TAF7L: variants seen among roughly 807,000 people sequenced by gnomAD.
TAF7L encodes the protein TATA-box binding protein associated factor 7 like, also known as transcription initiation factor TFIID subunit 7-like.
Under a neutral mutation model 30.2 loss-of-function variants are expected in TAF7L, and 6 were observed. That is an observed-to-expected ratio of 0.20 (90% confidence interval 0.11 to 0.39). The LOEUF (loss-of-function observed/expected upper bound fraction) is 0.39, where lower values mean the gene tolerates loss of function less well. Ranked by LOEUF, TAF7L falls within the 10% of genes least tolerant of loss-of-function variation. The pLI is 1.00. For synonymous variants in TAF7L, 93 were observed against 94.5 expected (o/e 0.98, Z 0.09); for missense variants, 284 against 277.1 (o/e 1.03, Z -0.18).
At chrX:101,286,715 T>C in intron 2 of TAF7L, 62 bp from the exon 3 acceptor site, 1 of 868,655 alleles carries the variant, frequency 1.2e-6, no homozygotes, top group South Asian at 2.3e-5. Flanking sequence ...GCTAACAGAA[T>C]AGATATATCA....
At chrX:101,283,404 G>C (rs757547701) in intron 4 of TAF7L, 46 bp downstream of exon 4, 1 of 1,174,281 alleles carries the variant, frequency 8.5e-7, no homozygotes, top group Non-Finnish European at 1.1e-6. Flanking sequence ...GAAGAGAAAA[G>C]AATTCCTTGA....
intron 6 of TAF7L, among the ~76,000 whole-genome samples, chrX:101,281,004 C>G (rs1602956943): frequency 9.0e-6 from 1 of 111,574 alleles, no homozygotes; most frequent in Non-Finnish European, 1.9e-5. Context: ...TATATAAAAG[C>G]AAAATGAGGG....
chrX:101,285,497 C>CA (rs768979097), intron 3 of TAF7L, among the ~76,000 whole-genome samples: 2,887 of 22,031 alleles, frequency 0.13, 147 homozygotes, highest in Non-Finnish European at 0.14. Context: ...GACTCCATCT[C>CA]AAAAAAAAAA....
chrX:101,285,911 G>A (rs1191184103), intron 3 of TAF7L, among the ~76,000 whole-genome samples: 11 of 110,920 alleles, frequency 9.9e-5, no homozygotes, highest in African/African-American at 3.6e-4. Context: ...GGCCAGGCAC[G>A]GTGGCTCACG....
chrX:101,271,571 A>C (rs936802009), intron 12 of TAF7L, among the ~76,000 whole-genome samples: 18 of 112,179 alleles, frequency 1.6e-4, no homozygotes, highest in African/African-American at 5.5e-4. Flanking sequence ...TAGAGCTTGC[A>C]GGACTAGAAG....
Position 101,287,415 on chromosome X carries a change from A to G in TAF7L, c.66+63T>C, listed in dbSNP as rs761363158. ...GAAATAGAAATGTCAGAATCCAAGT[A>G]GAACTATAATTATAATTAAACTATA... is the stretch of plus-strand genomic sequence containing the variant. On this transcript the variant is annotated intron_variant, in intron 2 of 12. Coordinates refer to ENST00000356784, the MANE Select transcript of TAF7L (RefSeq NM_001168474.2). 27 of 856,411 alleles carry G rather than the reference A, an allele frequency of 3.2e-5. No individual in the cohort carries two copies. The African/African-American group carries it at 5.6e-4, about 18-fold the overall frequency. 70.6% of individuals were successfully genotyped at this position (856,411 alleles called of 1,213,427 possible).
chrX:101,283,678 T>C (rs1924490291), intron 3 of TAF7L, 95 bp from the exon 4 acceptor site: 1 of 951,239 alleles, frequency 1.1e-6, no homozygotes, highest in Non-Finnish European at 1.5e-6. Context: ...GACAGATTAG[T>C]CTTTCCAAGA....
In TAF7L at chrX:101,276,026, T is replaced by C. The variant is rs755123388; in HGVS notation, c.1000A>G (p.Met334Val). Residue 334 changes from methionine to valine, a missense_variant, in exon 11 of 13, where the codon ATG becomes GTG. Physicochemically the swap from Met to Val is conservative, Grantham distance 21. Transcript: ENST00000356784. The part of the protein sequence containing the change: ...NKAQRQKDLI[M>V]KVENLTLKNH... Reference sequence around the variant, plus strand: ...TTGAGTGTCAGGTTTTCCACTTTCATGATGAGATCCTTCTGTCTTTGTGCT... The same window carrying C: ...TTGAGTGTCAGGTTTTCCACTTTCACGATGAGATCCTTCTGTCTTTGTGCT... 4 of 1,199,934 alleles carry C rather than the reference T, an allele frequency of 3.3e-6. No homozygotes were observed. The South Asian group carries it at 7.4e-5, about 22-fold the overall frequency.
rs768979097 is a variant in TAF7L at position 101,285,497 on chromosome X, CAA to C, written c.145+1076_145+1077del. 6.5e-4 allele frequency among the ~76,000 whole-genome samples: 15 copies of C among 23,138 alleles called. 1 individual carries two copies. The highest frequency in any genetic ancestry group is 0.018 in the Middle Eastern group (1 of 55). The allele number at this position is 23,138 out of a possible 115,157, so 20.1% of individuals were successfully genotyped here. ...TGGGTGACACAGCAAGACTCCATCT[CAA>C]AAAAAAAAAAAAAAAAAAAAGGCTG... On this transcript the variant is annotated intron_variant, in intron 3 of 12. Transcript: ENST00000356784.
intron 11 of TAF7L, among the ~76,000 whole-genome samples, chrX:101,275,569 C>T (rs778121267): frequency 9.1e-6 from 1 of 110,039 alleles, no homozygotes; most frequent in East Asian, 2.9e-4. Context: ...GGTTTCATCT[C>T]TACTAAAAGA....
At chrX:101,274,589 AGTGAGTGTGGGT>A (rs751755451) in intron 12 of TAF7L, among the ~76,000 whole-genome samples, 19 of 110,977 alleles carry the variant, frequency 1.7e-4, no homozygotes, top group Admixed American at 1.5e-3. Flanking sequence ...TCCCAGTCTG[AGTGAGTGTGGGT>A]GTGAGTGTGG....
Position 101,269,231 on chromosome X carries a change from A to AAAT in TAF7L, c.1090_1092dup (p.Ile364dup). 8.3e-7 allele frequency: 1 copy of AAAT among 1,207,507 alleles called. No homozygotes were observed. Among genetic ancestry groups the AAAT allele is most frequent in the Non-Finnish European group, 1.1e-6 (1 of 892,597 alleles). On this transcript the variant is annotated inframe_insertion, in exon 13 of 13. Coordinates refer to ENST00000356784, the MANE Select transcript of TAF7L (RefSeq NM_001168474.2). Reference sequence around the variant, plus strand: ...AAACGCTGCAACTGTTCCTGTAGGGAAATGAGCTGTAGGGAGAGGTAGAAA... The same window carrying AAAT: ...AAACGCTGCAACTGTTCCTGTAGGGAAATAATGAGCTGTAGGGAGAGGTAGAAA...
In TAF7L at chrX:101,279,049, C is replaced by G; in HGVS notation, c.463-14G>C. 4 of 1,179,318 alleles carry G rather than the reference C, an allele frequency of 3.4e-6. No individual in the cohort carries two copies. The highest frequency in any genetic ancestry group is 4.6e-6 in the Non-Finnish European group (4 of 867,829). ...GACATCAGGGACCTATGAAATAAAA[C>G]ACAATAAACAAGTTATATTATGATA... is the stretch of plus-strand genomic sequence containing the variant. On this transcript the variant is annotated splice_polypyrimidine_tract_variant and intron_variant, in intron 6 of 12. Transcript: ENST00000356784.
At position 101,268,925 on chromosome X, in the gene TAF7L, C is replaced by T; in HGVS notation, c.*268G>A. 3.8e-6 allele frequency: 1 copy of T among 261,917 alleles called. No individual in the cohort carries two copies. Among genetic ancestry groups the T allele is most frequent in the East Asian group, 6.1e-5 (1 of 16,524 alleles). The allele number at this position is 261,917 out of a possible 1,213,427, so 21.6% of individuals were successfully genotyped here. A position where few individuals can be genotyped will look rare whatever the true frequency, so the allele number is the denominator to read the frequency against. The stretch of plus-strand genomic sequence containing the variant: ...ATTCAGCCTGGGCAACATAACAAGA[C>T]CCCATTTCTAAATTAATAATAATAA... On this transcript the variant is annotated 3_prime_UTR_variant, in exon 13 of 13. Coordinates refer to ENST00000356784, the MANE Select transcript of TAF7L (RefSeq NM_001168474.2).
chrX:101,283,333 A>G, intron 4 of TAF7L, 117 bp downstream of exon 4: 1 of 809,896 alleles, frequency 1.2e-6, no homozygotes, highest in Admixed American at 3.0e-5. Context: ...CAATCTGGAA[A>G]TTAGAAATGC....
intron 3 of TAF7L, among the ~76,000 whole-genome samples, chrX:101,284,726 T>C (rs993514557): frequency 1.8e-5 from 2 of 111,609 alleles, no homozygotes; most frequent in African/African-American, 6.5e-5. Flanking sequence ...TGTCAGTAAG[T>C]GTTAACTAAC....
intron 5 of TAF7L, 42 bp from the exon 6 acceptor site, chrX:101,281,817 G>T (rs1475813640): frequency 1.8e-6 from 2 of 1,089,015 alleles, no homozygotes; most frequent in Admixed American, 2.2e-5. Flanking sequence ...ATGACTGATG[G>T]TAGTCACATA....
rs1401849529 is a variant in TAF7L, at chrX:101,285,194, TA to T, written c.145+1380del. Among the ~76,000 whole-genome samples the T allele has an allele frequency of 5.4e-5, 6 of 110,301 alleles. 2 individuals are homozygous for T. Among genetic ancestry groups the T allele is most frequent in the African/African-American group, 3.3e-5 (1 of 30,389 alleles). ...TTTTCTGAGGAACCTCCATACCATTTAAAAAAAATAATGGCTGTAGGCCAGG... is the reference window on the plus strand; with the variant it reads ...TTTTCTGAGGAACCTCCATACCATTTAAAAAAATAATGGCTGTAGGCCAGG... On this transcript the variant is annotated intron_variant, in intron 3 of 12. Coordinates refer to ENST00000356784, the MANE Select transcript of TAF7L (RefSeq NM_001168474.2).
intron 6 of TAF7L, among the ~76,000 whole-genome samples, chrX:101,279,575 C>T (rs1161318350): frequency 3.6e-5 from 4 of 111,140 alleles, no homozygotes; most frequent in African/African-American, 9.8e-5. Context: ...GAGCAGAGAT[C>T]GTGCCATTGC....
Sources: allele counts gnomAD v4.1 joint callset (sites outside exome capture counted in the v4.1 genomes callset), GRCh38; gene constraint gnomAD v4.1.1; transcripts MANE v1.5; gene names NCBI Gene and HGNC (gene_info 2026-07-23, HGNC 2026-07-21).